Variants in CSMD1 observed in about 807,000 individuals in gnomAD.
The protein encoded by CSMD1 is CUB and Sushi multiple domains 1, also known as CUB and sushi domain-containing protein 1.
Under a neutral mutation model 417.5 loss-of-function variants are expected in CSMD1, and 213 were observed. That is an observed-to-expected ratio of 0.51 (90% CI 0.46 to 0.57). CSMD1 has a LOEUF of 0.57. CSMD1 is among the 20% of genes least tolerant of loss of function. The probability of loss-of-function intolerance (pLI) is 0.00; values close to 1 mark genes in which losing one functional copy is unlikely to be tolerated. For missense variants in CSMD1, 6,923 were observed against 4,529.7 expected (o/e 1.53, Z -15.17); for synonymous variants, 2,862 against 1,736.8 (o/e 1.65, Z -16.11).
At chr8:3,541,676 C>T (rs912106877) in intron 10 of CSMD1, among the ~76,000 whole-genome samples, 1 of 149,454 alleles carries the variant, frequency 6.7e-6, no homozygotes, top group African/African-American at 2.4e-5. Flanking sequence ...TTTGGACACC[C>T]TATAATTAGT....
intron 5 of CSMD1, among the ~76,000 whole-genome samples, chr8:3,909,927 A>G (rs1563201458): frequency 6.6e-6 from 1 of 152,160 alleles, no homozygotes; most frequent in Non-Finnish European, 1.5e-5. Context: ...GACTCTAATT[A>G]GACAAGGAAG....
chr8:4,113,185 A>C (rs1801949286), intron 3 of CSMD1, among the ~76,000 whole-genome samples: 2 of 151,976 alleles, frequency 1.3e-5, no homozygotes, highest in South Asian at 2.1e-4. Context: ...CAGAGACACA[A>C]CAATATTGAA....
intron 3 of CSMD1, among the ~76,000 whole-genome samples, chr8:4,236,146 T>C (rs964167653): frequency 2.0e-5 from 3 of 150,302 alleles, no homozygotes; most frequent in African/African-American, 7.4e-5. Flanking sequence ...CCGTATGTTA[T>C]CAGTAAGGTC....
At chr8:3,669,300 G>C (rs1465997865) in intron 7 of CSMD1, among the ~76,000 whole-genome samples, 1 of 152,156 alleles carries the variant, frequency 6.6e-6, no homozygotes, top group Non-Finnish European at 1.5e-5. Context: ...TTGTCATTGT[G>C]TTGCCTGTTT....
At chr8:4,552,994 T>C (rs1360699255) in intron 2 of CSMD1, among the ~76,000 whole-genome samples, 2 of 152,228 alleles carry the variant, frequency 1.3e-5, no homozygotes, top group Admixed American at 6.5e-5. Context: ...TGCTGGCTGC[T>C]TGGTGACATT....
At chr8:3,299,374 C>G (rs530148918) in intron 25 of CSMD1, among the ~76,000 whole-genome samples, 5 of 152,256 alleles carry the variant, frequency 3.3e-5, no homozygotes, top group African/African-American at 1.2e-4. Context: ...ATTGCTTGAA[C>G]TCTGGAGGTG....
At chr8:4,106,988 G>A (rs184355430) in intron 3 of CSMD1, among the ~76,000 whole-genome samples, 1 of 152,314 alleles carries the variant, frequency 6.6e-6, no homozygotes, top group African/African-American at 2.4e-5. Context: ...CAGCAGATGG[G>A]CCTTAGACAA....
intron 7 of CSMD1, among the ~76,000 whole-genome samples, chr8:3,655,329 A>G (rs2117410663): frequency 6.6e-6 from 1 of 152,288 alleles, no homozygotes; most frequent in African/African-American, 2.4e-5. Context: ...TAATTCCCAC[A>G]TTGTTTACTG....
intron 3 of CSMD1, among the ~76,000 whole-genome samples, chr8:4,113,313 C>T (rs182574936): frequency 3.4e-4 from 48 of 142,740 alleles, no homozygotes; most frequent in African/African-American, 1.2e-3. Context: ...AAAGACATGT[C>T]AAAAAAACTA....
At chr8:4,042,189 T>A (rs1400522390) in intron 3 of CSMD1, among the ~76,000 whole-genome samples, 1 of 152,026 alleles carries the variant, frequency 6.6e-6, no homozygotes, top group Non-Finnish European at 1.5e-5. Context: ...GTTCAGTAAG[T>A]GTAAAATGCA....
intron 1 of CSMD1, among the ~76,000 whole-genome samples, chr8:4,811,319 G>C (rs1453923996): frequency 1.3e-5 from 2 of 152,136 alleles, no homozygotes; most frequent in Non-Finnish European, 2.9e-5. Context: ...TATTGACTCG[G>C]AGAGAGAAGT....
chr8:4,489,220 A>G (rs1801574252), intron 2 of CSMD1, among the ~76,000 whole-genome samples: 2 of 152,184 alleles, frequency 1.3e-5, no homozygotes, highest in Non-Finnish European at 2.9e-5. Context: ...TCTACTAAAT[A>G]CTTCTTACAT....
chr8:3,488,241 T>C (rs182603577), intron 11 of CSMD1, among the ~76,000 whole-genome samples: 2 of 152,112 alleles, frequency 1.3e-5, no homozygotes, highest in Non-Finnish European at 2.9e-5. Flanking sequence ...TAGCTGGGAC[T>C]GCAGGCATGC....
chr8:3,168,854 A>G (rs987540794), intron 37 of CSMD1, among the ~76,000 whole-genome samples: 1 of 152,192 alleles, frequency 6.6e-6, no homozygotes, highest in Non-Finnish European at 1.5e-5. Context: ...GTCTCTTCAA[A>G]GCATAAAGGA....
intron 2 of CSMD1, 44 bp from the exon 3 acceptor site, chr8:4,420,109 T>A: frequency 7.0e-7 from 1 of 1,425,168 alleles, no homozygotes. Context: ...AAAGCATGAA[T>A]TTGTCAAAAA....
At chr8:4,445,700 A>C (rs1265633475) in intron 2 of CSMD1, among the ~76,000 whole-genome samples, 1 of 152,168 alleles carries the variant, frequency 6.6e-6, no homozygotes, top group Non-Finnish European at 1.5e-5. Flanking sequence ...CACAACTTGG[A>C]AGGAATTTCT....
intron 2 of CSMD1, among the ~76,000 whole-genome samples, chr8:4,509,694 A>C (rs1365780701): frequency 1.3e-5 from 2 of 151,106 alleles, no homozygotes; most frequent in African/African-American, 4.8e-5. Flanking sequence ...TGCTGATAAT[A>C]GACACTTTTG....
intron 5 of CSMD1, among the ~76,000 whole-genome samples, chr8:3,910,329 C>A (rs1808382656): frequency 6.6e-6 from 1 of 152,130 alleles, no homozygotes; most frequent in Non-Finnish European, 1.5e-5. Flanking sequence ...CTGTGTCCTG[C>A]AAACTGACGA....
intron 12 of CSMD1, among the ~76,000 whole-genome samples, chr8:3,464,677 A>G (rs952981970): frequency 3.3e-5 from 5 of 151,356 alleles, no homozygotes; most frequent in African/African-American, 9.7e-5. Flanking sequence ...GTATATGTAA[A>G]ATTTGTTTTA....
Sources: allele counts gnomAD v4.1 joint callset (sites outside exome capture counted in the v4.1 genomes callset), GRCh38; gene constraint gnomAD v4.1.1; transcripts MANE v1.5; gene names NCBI Gene and HGNC (gene_info 2026-07-23, HGNC 2026-07-21).